Variants in ATIC observed in about 807,000 individuals in gnomAD.
ATIC encodes 5-aminoimidazole-4-carboxamide ribonucleotide formyltransferase/IMP cyclohydrolase.
In ATIC, 64 loss-of-function variants were observed where a neutral mutation model predicts 72.5. The ratio of observed to expected loss-of-function variants is 0.88; its 90% CI spans 0.72 to 1.09. The LOEUF (loss-of-function observed/expected upper bound fraction) is 1.09, where lower values mean the gene tolerates loss of function less well. Among genes scored for constraint, ATIC ranks in the 50% least tolerant of loss-of-function variants. The pLI is 0.00. For synonymous variants in ATIC, 281 were observed against 267.1 expected (o/e 1.05, Z -0.51); for missense variants, 787 against 732.4 (o/e 1.07, Z -0.86).
At chr2:215,350,277 C>T (rs1391586500), downstream of ATIC, among the ~76,000 whole-genome samples, 1 of 152,150 alleles carries the variant, frequency 6.6e-6, no homozygotes, top group Non-Finnish European at 1.5e-5. Flanking sequence ...GCTGGGACTA[C>T]AGGCATGTGC....
chr2:215,315,130 C>G (rs765972399), intron 2 of ATIC, among the ~76,000 whole-genome samples: 6 of 152,120 alleles, frequency 3.9e-5, no homozygotes, highest in Non-Finnish European at 8.8e-5. Context: ...TTTCTCCACC[C>G]CCTAAGGATC....
the ATIC span, chr2:215,362,113 T>A: frequency 3.3e-5 from 50 of 1,506,094 alleles, no homozygotes; most frequent in Non-Finnish European, 4.6e-5. Flanking sequence ...CAAATGGGGT[T>A]TATGATAACC....
At chr2:215,338,223 A>G (rs2052978192) in intron 11 of ATIC, among the ~76,000 whole-genome samples, 1 of 152,238 alleles carries the variant, frequency 6.6e-6, no homozygotes, top group African/African-American at 2.4e-5. Context: ...TGGGAGAGGA[A>G]GATGGCAGTA....
intron 4 of ATIC, among the ~76,000 whole-genome samples, chr2:215,320,093 A>G (rs1403884227): frequency 2.6e-5 from 4 of 152,198 alleles, no homozygotes; most frequent in Non-Finnish European, 5.9e-5. Context: ...ATTTCCTCCA[A>G]GTGTCATGTT....
intron 12 of ATIC, 127 bp downstream of exon 12, chr2:215,339,034 T>TC (rs2052987880): frequency 1.6e-6 from 2 of 1,274,870 alleles, no homozygotes; most frequent in East Asian, 4.9e-5. Context: ...CTAGCTAGCT[T>TC]ATCTTTGAGT....
chr2:215,349,910 T>TA, downstream of ATIC: 1 of 586,322 alleles, frequency 1.7e-6, no homozygotes, highest in Middle Eastern at 4.8e-4. Context: ...GTGTGAAACA[T>TA]AAACATTAGC....
In ATIC at chr2:215,326,050, C is replaced by T; in HGVS notation, c.443C>T (p.Pro148Leu). 6.2e-7 allele frequency: 1 copy of T among 1,614,142 alleles called. No individual in the cohort carries two copies. The highest frequency in any genetic ancestry group is 8.5e-7 in the Non-Finnish European group (1 of 1,180,016). Residue 148 changes from proline (P) to leucine (L), a missense_variant, in exon 6 of 16, where the codon CCA becomes CTA. By Grantham distance (98) the Pro-to-Leu change is moderately conservative. Transcript: ENST00000236959. Reference protein sequence around the residue: ...NHARVTVVCEPEDYVVVSTEM... With the variant: ...NHARVTVVCELEDYVVVSTEM... ...GCTCGAGTGACAGTGGTGTGTGAAC[C>T]AGAGGACTATGTGGTGGTGTCCACG... is the stretch of plus-strand genomic sequence containing the variant.
At chr2:215,322,771 A>G (rs1164533940) in intron 4 of ATIC, among the ~76,000 whole-genome samples, 1 of 152,206 alleles carries the variant, frequency 6.6e-6, no homozygotes, top group Non-Finnish European at 1.5e-5. Context: ...TTGTCTCAGC[A>G]TCATTTGTTG....
At chr2:215,359,776 A>G in the ATIC span, among the ~76,000 whole-genome samples, 1 of 151,740 alleles carries the variant, frequency 6.6e-6, no homozygotes, top group Non-Finnish European at 1.5e-5. Flanking sequence ...ATCTTTCTGT[A>G]TTTAGTTTTA....
rs1416799646 is a variant in ATIC, at chr2:215,326,059, A to G, written c.452A>G (p.Tyr151Cys). The G allele has an allele frequency of 7.4e-6, 12 of 1,614,048 alleles. No homozygotes were observed. In the African/African-American group the frequency reaches 9.3e-5, roughly 13 times the overall value. The change falls in exon 6 of 16, where the codon TAT becomes TGT. Residue 151 changes from tyrosine (Y) to cysteine (C), a missense_variant. By Grantham distance (194) the Tyr-to-Cys change is radical. Coordinates refer to ENST00000236959, the MANE Select transcript of ATIC (RefSeq NM_004044.7). ...ACAGTGGTGTGTGAACCAGAGGACTATGTGGTGGTGTCCACGGAGATGCAG... is the reference window on the plus strand; with the variant it reads ...ACAGTGGTGTGTGAACCAGAGGACTGTGTGGTGGTGTCCACGGAGATGCAG... ...RVTVVCEPED[Y>C]VVVSTEMQSS...
At chr2:215,354,571 G>A (rs1012913968), downstream of ATIC, among the ~76,000 whole-genome samples, 4 of 151,042 alleles carry the variant, frequency 2.6e-5, no homozygotes, top group South Asian at 2.1e-4. Flanking sequence ...TTCTTTATTC[G>A]TCCCTCCAGG....
downstream of ATIC, among the ~76,000 whole-genome samples, chr2:215,351,238 A>C (rs1261832199): frequency 6.6e-6 from 1 of 152,232 alleles, no homozygotes; most frequent in Non-Finnish European, 1.5e-5. Context: ...CTTCAGTCCC[A>C]GGCAACATCT....
chr2:215,332,471 C>T lies in ATIC; in HGVS notation c.778C>T (p.Pro260Ser). The change falls in exon 8 of 16, where the codon CCA (proline) becomes TCA (serine). Residue 260 changes from proline (P) to serine (S), a missense_variant. Coordinates refer to ENST00000236959, the MANE Select transcript of ATIC (RefSeq NM_004044.7). ...VKELKEALGIPAAASFKHVSP... is the reference protein window; with the variant it reads ...VKELKEALGISAAASFKHVSP... ...GGAACTCAAGGAGGCTTTAGGTATT[C>T]CAGCCGCTGCCTCTTTCAAACATGT... 6.2e-7 allele frequency: 1 copy of T among 1,614,094 alleles called. No homozygotes were observed. The highest frequency in any genetic ancestry group is 1.1e-5 in the South Asian group (1 of 91,082).
At chr2:215,314,229 G>T (rs980973250) in intron 2 of ATIC, among the ~76,000 whole-genome samples, 1 of 152,272 alleles carries the variant, frequency 6.6e-6, no homozygotes, top group East Asian at 1.9e-4. Flanking sequence ...AGTTCACCAT[G>T]AGTGATTTAT....
chr2:215,315,903 C>T (rs769748577), intron 2 of ATIC, among the ~76,000 whole-genome samples: 10 of 151,024 alleles, frequency 6.6e-5, no homozygotes, highest in African/African-American at 1.2e-4. Flanking sequence ...TGCAGTGAGC[C>T]GAGATTCCAC....
At chr2:215,322,415 C>T (rs1325777652) in intron 4 of ATIC, among the ~76,000 whole-genome samples, 23 of 148,496 alleles carry the variant, frequency 1.5e-4, no homozygotes, top group African/African-American at 4.2e-4. Context: ...CTGCAACCTT[C>T]GCCTCCTGGG....
chr2:215,362,093 G>C, the ATIC span: 5 of 1,599,712 alleles, frequency 3.1e-6, no homozygotes, highest in Admixed American at 8.3e-5. Flanking sequence ...AGAGAGTAGA[G>C]GCATGAAGTC....
chr2:215,321,331 T>C (rs1189840543), intron 4 of ATIC, among the ~76,000 whole-genome samples: 1 of 136,004 alleles, frequency 7.4e-6, no homozygotes, highest in Non-Finnish European at 1.6e-5. Context: ...TTTTTAGTGC[T>C]GAAAAATAAT....
In ATIC at chr2:215,319,702, C is replaced by T. The variant is rs751894254; in HGVS notation, c.261C>T (p.Asp87=). ...LARNIPEDNA[D]MARLDFNLIR... ...GTAATATTCCAGAAGATAATGCTGACATGGCCAGACTTGATTTCAATCTTA... is the reference window on the plus strand; with the variant it reads ...GTAATATTCCAGAAGATAATGCTGATATGGCCAGACTTGATTTCAATCTTA... Residue 87 remains aspartate (D), a synonymous_variant, in exon 4 of 16, where the codon GAC becomes GAT. Coordinates refer to ENST00000236959, the MANE Select transcript of ATIC (RefSeq NM_004044.7). 7.4e-6 allele frequency: 12 copies of T among 1,612,302 alleles called. No homozygotes were observed. The Middle Eastern group carries it at 5.0e-4, about 67-fold the overall frequency.
Sources: allele counts gnomAD v4.1 joint callset (sites outside exome capture counted in the v4.1 genomes callset), GRCh38; gene constraint gnomAD v4.1.1; transcripts MANE v1.5; gene names NCBI Gene and HGNC (gene_info 2026-07-23, HGNC 2026-07-21).